THTPA: variants seen among roughly 807,000 people sequenced by gnomAD.
The protein encoded by THTPA is thiamine-triphosphatase.
Under a neutral mutation model 16.5 loss-of-function variants are expected in THTPA, and 16 were observed. That is an observed-to-expected ratio of 0.97 (90% CI 0.66 to 1.47). The LOEUF (loss-of-function observed/expected upper bound fraction) is 1.47. Ranked by LOEUF, THTPA falls within the 40% of genes most tolerant of loss-of-function variation. The probability of loss-of-function intolerance (pLI) is 0.00; values close to 1 mark genes in which losing one functional copy is unlikely to be tolerated. For missense variants in THTPA, 281 were observed against 280.9 expected, an observed-to-expected ratio of 1.00 and a Z score of 0.00; for synonymous variants, 110 against 115.5, an observed-to-expected ratio of 0.95 and a Z score of 0.30.
At chr14:23,540,253 A>G in the THTPA span, among the ~76,000 whole-genome samples, 1 of 152,126 alleles carries the variant, frequency 6.6e-6, no homozygotes, top group African/African-American at 2.4e-5. Flanking sequence ...GGCCTCCCAA[A>G]CTGCTGGGAT....
chr14:23,515,687 G>A, the THTPA span, among the ~76,000 whole-genome samples: 1 of 152,160 alleles, frequency 6.6e-6, no homozygotes, highest in East Asian at 1.9e-4. Flanking sequence ...GTGATGTGGA[G>A]GGGAGGCTGG....
chr14:23,522,809 G>A, the THTPA span: 1 of 1,536,120 alleles, frequency 6.5e-7, no homozygotes, highest in South Asian at 1.2e-5. Context: ...AGTGGTGCCT[G>A]CTGTGGAGGT....
chr14:23,539,130 T>C, the THTPA span, among the ~76,000 whole-genome samples: 1 of 152,102 alleles, frequency 6.6e-6, no homozygotes, highest in Non-Finnish European at 1.5e-5. Context: ...CCTCCCCTAA[T>C]GCACTGTTTC....
the THTPA span, among the ~76,000 whole-genome samples, chr14:23,542,522 C>A: frequency 2.6e-5 from 4 of 152,194 alleles, no homozygotes; most frequent in South Asian, 4.2e-4. Flanking sequence ...CTGCACAGAT[C>A]TATGTGATTT....
chr14:23,543,088 C>A, the THTPA span: 1 of 152,200 alleles, frequency 6.6e-6, no homozygotes, highest in Non-Finnish European at 1.5e-5. Flanking sequence ...ATTCTGTGAA[C>A]CTGTGTGATG....
In THTPA at chr14:23,558,694, G is replaced by A; in HGVS notation, c.548-1G>A. 1 of 1,614,196 alleles carries A rather than the reference G, an allele frequency of 6.2e-7. No homozygotes were observed. The highest frequency in any genetic ancestry group is 8.5e-7 in the Non-Finnish European group (1 of 1,180,038). ...TCTCCTCATTGTCCTTTTACCTGTAGGTGTGCCTGCACAGGAGACAGCACC... is the reference window on the plus strand; with the variant it reads ...TCTCCTCATTGTCCTTTTACCTGTAAGTGTGCCTGCACAGGAGACAGCACC... On this transcript the variant is annotated splice_acceptor_variant, in intron 1 of 1. Transcript: ENST00000288014. LOFTEE classifies it high-confidence loss of function.
the THTPA span, chr14:23,534,675 G>T: frequency 1.3e-6 from 2 of 1,536,198 alleles, no homozygotes; most frequent in South Asian, 2.4e-5. The surrounding 1 kb of genome is among the most constrained non-coding windows in gnomAD (Gnocchi z 4.5). Context: ...TGGGATCTCC[G>T]GGTGGATTTG....
At chr14:23,519,022 CGGCTCTT>C in the THTPA span, among the ~76,000 whole-genome samples, 127 of 152,274 alleles carry the variant, frequency 8.3e-4, no homozygotes, top group African/African-American at 3.0e-3. Context: ...AGAGTCAGCC[CGGCTCTT>C]TTGCCCCCAA....
the THTPA span, among the ~76,000 whole-genome samples, chr14:23,540,760 C>G: frequency 6.6e-6 from 1 of 152,118 alleles, no homozygotes; most frequent in African/African-American, 2.4e-5. Flanking sequence ...TTGTGAAGAC[C>G]AGATAGGTAA....
At chr14:23,524,541 G>C in the THTPA span, 1 of 1,527,714 alleles carries the variant, frequency 6.5e-7, no homozygotes, top group Non-Finnish European at 8.8e-7. The surrounding 1 kb of genome is among the most constrained non-coding windows in gnomAD (Gnocchi z 5.6). Flanking sequence ...AGTTGGGGGG[G>C]AGCACTGGGC....
chr14:23,526,373 G>T, the THTPA span: 1 of 1,536,324 alleles, frequency 6.5e-7, no homozygotes, highest in Admixed American at 2.0e-5. Context: ...GCACTTATAG[G>T]GCCGGGCAGG....
chr14:23,525,942 G>T, the THTPA span: 5 of 1,478,330 alleles, frequency 3.4e-6, no homozygotes, highest in Non-Finnish European at 4.5e-6. The surrounding 1 kb of genome is among the most constrained non-coding windows in gnomAD (Gnocchi z 5.9). Context: ...GCTGGGAATC[G>T]GTGCAGGTCC....
chr14:23,534,960 G>A, the THTPA span: 61 of 1,536,172 alleles, frequency 4.0e-5, 1 homozygote, highest in Middle Eastern at 1.5e-3. This position sits in a 1 kb window ranked among gnomAD's most constrained non-coding sequence, Gnocchi z 4.5. Flanking sequence ...CCACTAGGTA[G>A]GCCTCACCTC....
the THTPA span, chr14:23,534,827 T>C: frequency 7.2e-6 from 11 of 1,536,092 alleles, no homozygotes; most frequent in Middle Eastern, 1.7e-4. The surrounding 1 kb of genome is among the most constrained non-coding windows in gnomAD (Gnocchi z 4.5). Flanking sequence ...TGAAGGGCAG[T>C]GAGGTGTGAG....
the THTPA span, chr14:23,522,634 T>C: frequency 2.0e-6 from 3 of 1,535,074 alleles, no homozygotes; most frequent in African/African-American, 1.4e-5. Context: ...CAGGGGGCAA[T>C]GGAAAGGGCA....
the THTPA span, chr14:23,535,517 T>C: frequency 2.1e-6 from 1 of 487,526 alleles, no homozygotes; most frequent in East Asian, 3.3e-5. The surrounding 1 kb of genome is among the most constrained non-coding windows in gnomAD (Gnocchi z 4.5). Flanking sequence ...TTTCACTTAG[T>C]GTCTAACATG....
the THTPA span, among the ~76,000 whole-genome samples, chr14:23,544,729 T>TTA: frequency 6.6e-6 from 1 of 152,130 alleles, no homozygotes; most frequent in Non-Finnish European, 1.5e-5. Flanking sequence ...CTGCCTCTAA[T>TTA]GGCGCTAACC....
At chr14:23,545,016 C>G in the THTPA span, among the ~76,000 whole-genome samples, 1 of 152,048 alleles carries the variant, frequency 6.6e-6, no homozygotes, top group Non-Finnish European at 1.5e-5. Context: ...CTCCTCTTCT[C>G]TTCACTCATC....
the THTPA span, chr14:23,529,366 GAGCTGGGCAGT>G: frequency 1.7e-5 from 5 of 293,986 alleles, no homozygotes; most frequent in East Asian, 4.5e-4. Context: ...AAGGGATAAA[GAGCTGGGCAGT>G]AGCTGGTTGT....
Sources: gnomAD v4.1 joint callset for allele counts (sites outside exome capture counted in the v4.1 genomes callset) on GRCh38, gnomAD v4.1.1 for gene constraint, Gnocchi (gnomAD v3.1) non-coding constraint, MANE v1.5 for transcripts, NCBI Gene and HGNC (gene_info 2026-07-23, HGNC 2026-07-21) for gene names.